The following PARP11 variants were observed in gnomAD, a reference collection of about 807,000 sequenced individuals.
The protein encoded by PARP11 is poly(ADP-ribose) polymerase family member 11.
A neutral mutation model predicts 42.9 loss-of-function variants in PARP11; 31 were observed. That is an observed-to-expected ratio of 0.72 (90% CI 0.54 to 0.98). The LOEUF (loss-of-function observed/expected upper bound fraction) is 0.98, where lower values mean the gene tolerates loss of function less well. PARP11 is among the 50% of genes least tolerant of loss of function. The pLI is 0.00. For synonymous variants in PARP11, 137 were observed against 127.3 expected, an observed-to-expected ratio of 1.08 and a Z score of -0.51; for missense variants, 365 against 413.1, an observed-to-expected ratio of 0.88 and a Z score of 1.01.
chr12:3,830,426 C>A (rs1032433236), intron 1 of PARP11, among the ~76,000 whole-genome samples: 10 of 152,076 alleles, frequency 6.6e-5, no homozygotes, highest in African/African-American at 2.2e-4. Context: ...ACAGTCATTT[C>A]ATTTAATGGC....
intron 6 of PARP11, among the ~76,000 whole-genome samples, chr12:3,816,404 C>T (rs933689685): frequency 1.3e-5 from 2 of 152,170 alleles, no homozygotes; most frequent in South Asian, 2.1e-4. Flanking sequence ...GCATGCCTTT[C>T]GAGTTACTCT....
rs115996303 is a variant in PARP11, at chr12:3,837,837, G to A, written c.19-7819C>T. ...AAGAGATAAAATAGACTATGAACAA[G>A]TCCTGTAAAAAGAGATAAAGAAGGT... On this transcript the variant is annotated intron_variant, in intron 1 of 7. Coordinates refer to ENST00000228820, the MANE Select transcript of PARP11 (RefSeq NM_020367.6). Among the ~76,000 whole-genome samples, 648 of 151,878 alleles carry A rather than the reference G, an allele frequency of 4.3e-3. 4 individuals carry two copies. The highest frequency in any genetic ancestry group is 0.013 in the African/African-American group (531 of 41,404).
intron 1 of PARP11, among the ~76,000 whole-genome samples, chr12:3,853,845 T>C (rs1948143764): frequency 6.6e-6 from 1 of 152,146 alleles, no homozygotes; most frequent in Non-Finnish European, 1.5e-5. Flanking sequence ...CTTCTCAGCA[T>C]CACATTGTAC....
At chr12:3,865,401 T>C (rs1002465333) in intron 1 of PARP11, among the ~76,000 whole-genome samples, 3 of 152,178 alleles carry the variant, frequency 2.0e-5, no homozygotes, top group African/African-American at 7.2e-5. Flanking sequence ...TCAAGTTTGT[T>C]ATACTGTTGC....
intron 1 of PARP11, among the ~76,000 whole-genome samples, chr12:3,839,061 C>A (rs1947828067): frequency 6.6e-6 from 1 of 152,084 alleles, no homozygotes; most frequent in South Asian, 2.1e-4. Flanking sequence ...GTCGTGGGCG[C>A]GTGTTCGCTC....
intron 1 of PARP11, among the ~76,000 whole-genome samples, chr12:3,854,313 C>CA (rs1335857560): frequency 1.3e-5 from 2 of 151,964 alleles, no homozygotes; most frequent in East Asian, 1.9e-4. Flanking sequence ...GATAGAGGCA[C>CA]AAAAAACTCT....
intron 1 of PARP11, among the ~76,000 whole-genome samples, chr12:3,866,333 C>G (rs78317981): frequency 0.017 from 2,581 of 152,144 alleles, 28 homozygotes; most frequent in Non-Finnish European, 0.026. Flanking sequence ...TTGACTTCTC[C>G]TCAGCTTGTA....
At chr12:3,868,091 A>G (rs368851956) in intron 1 of PARP11, among the ~76,000 whole-genome samples, 3 of 152,196 alleles carry the variant, frequency 2.0e-5, no homozygotes, top group African/African-American at 7.2e-5. Flanking sequence ...CAAATTAGAT[A>G]TAAGTACTTT....
In PARP11 at chr12:3,866,263, C is replaced by T. The variant is rs942387412; in HGVS notation, c.18+6949G>A. Among the ~76,000 whole-genome samples the T allele has an allele frequency of 2.6e-5, 4 of 152,206 alleles. No homozygotes were observed. In the East Asian group the frequency reaches 5.8e-4, roughly 22 times the overall value. On this transcript the variant is annotated intron_variant, in intron 1 of 7. Transcript: ENST00000228820. ...ATAACTCTTCTCTTGGTTTCTATGACATGACACTCTCCAGATCATCTTATT... is the reference window on the plus strand; with the variant it reads ...ATAACTCTTCTCTTGGTTTCTATGATATGACACTCTCCAGATCATCTTATT...
At position 3,861,911 on chromosome 12, in the gene PARP11, G is replaced by C. The variant is rs1345675111; in HGVS notation, c.18+11301C>G. Among the ~76,000 whole-genome samples the C allele has an allele frequency of 6.6e-6, 1 of 152,096 alleles. No individual in the cohort carries two copies. The highest frequency in any genetic ancestry group is 1.5e-5 in the Non-Finnish European group (1 of 68,016). On this transcript the variant is annotated intron_variant, in intron 1 of 7. Transcript: ENST00000228820. The surrounding 1 kb of genome is among the most constrained non-coding windows in gnomAD (Gnocchi z 4.6). ...GTGGTGGAGGGTGCCTATAGTCCCA[G>C]CTACTCGGGAGGCTGAGACAGGAGA... is the stretch of plus-strand genomic sequence containing the variant.
chr12:3,848,420 A>G (rs1308297533), intron 1 of PARP11, among the ~76,000 whole-genome samples: 2 of 152,212 alleles, frequency 1.3e-5, no homozygotes, highest in Non-Finnish European at 2.9e-5. Context: ...CTACAAAGCT[A>G]TAGTAATCAA....
intron 1 of PARP11, among the ~76,000 whole-genome samples, chr12:3,855,000 T>C (rs2138102363): frequency 6.6e-6 from 1 of 152,218 alleles, no homozygotes; most frequent in African/African-American, 2.4e-5. Flanking sequence ...ATAAACGTAA[T>C]CCATCACATA....
rs1205952580 is a variant in PARP11, at chr12:3,840,458, T to C, written c.19-10440A>G. 1.2e-6 allele frequency: 2 copies of C among 1,612,596 alleles called. No homozygotes were observed. The highest frequency in any genetic ancestry group is 4.5e-5 in the East Asian group (2 of 44,884). Reference sequence around the variant, plus strand: ...CCTCGACTGCAGCATCCTTCAGGAGTAAGACAACGTGAGTTCTCTAGTCAT... The same window carrying C: ...CCTCGACTGCAGCATCCTTCAGGAGCAAGACAACGTGAGTTCTCTAGTCAT... On this transcript the variant is annotated intron_variant, in intron 1 of 7. Coordinates refer to ENST00000228820, the MANE Select transcript of PARP11 (RefSeq NM_020367.6). The surrounding 1 kb of genome is among the most constrained non-coding windows in gnomAD (Gnocchi z 4.4).
intron 1 of PARP11, chr12:3,842,087 G>A (rs936764832): frequency 1.7e-5 from 28 of 1,609,966 alleles, no homozygotes; most frequent in Non-Finnish European, 2.1e-5. Flanking sequence ...AACAGAGAGA[G>A]AGAGAAATTG....
chr12:3,839,419 G>A lies in PARP11; in HGVS notation c.19-9401C>T, dbSNP rs1003489831. On this transcript the variant is annotated intron_variant, in intron 1 of 7. Coordinates refer to ENST00000228820, the MANE Select transcript of PARP11 (RefSeq NM_020367.6). ...ACTGGGCTTGTATCGGAAACTGGTC[G>A]CCAAGGACGGGTCGTGCCTGTTCCG... is the stretch of plus-strand genomic sequence containing the variant. 6.3e-6 allele frequency: 10 copies of A among 1,588,838 alleles called. No individual in the cohort carries two copies. The East Asian group carries it at 2.3e-4, about 37-fold the overall frequency.
intron 1 of PARP11, among the ~76,000 whole-genome samples, chr12:3,857,371 G>A (rs1948213088): frequency 6.6e-6 from 1 of 152,148 alleles, no homozygotes; most frequent in Non-Finnish European, 1.5e-5. Flanking sequence ...TCATTGATGA[G>A]TTTGCCAAGG....
intron 1 of PARP11, among the ~76,000 whole-genome samples, chr12:3,838,146 G>C (rs1025638461): frequency 6.7e-6 from 1 of 149,568 alleles, no homozygotes; most frequent in African/African-American, 2.5e-5. Flanking sequence ...TCAATTGCTG[G>C]AGAATACACA....
intron 1 of PARP11, chr12:3,872,545 T>C (rs1437351899): frequency 5.1e-6 from 5 of 985,226 alleles, no homozygotes; most frequent in African/African-American, 3.5e-5. Context: ...AGACTTGCAG[T>C]TGAAATGCTC....
chr12:3,826,066 A>T, intron 4 of PARP11, 92 bp downstream of exon 4: 1 of 735,978 alleles, frequency 1.4e-6, no homozygotes, highest in Non-Finnish European at 2.2e-6. Flanking sequence ...TTATTAAATG[A>T]CCTACCAAAA....
Sources: allele counts gnomAD v4.1 joint callset (sites outside exome capture counted in the v4.1 genomes callset), GRCh38; gene constraint gnomAD v4.1.1; non-coding constraint Gnocchi (gnomAD v3.1); transcripts MANE v1.5; gene names NCBI Gene and HGNC (gene_info 2026-07-23, HGNC 2026-07-21).